VPS26C: variants seen among roughly 807,000 people sequenced by gnomAD.
VPS26C encodes vacuolar protein sorting-associated protein 26C.
Under a neutral mutation model 30.6 loss-of-function variants are expected in VPS26C, and 19 were observed. The ratio of observed to expected loss-of-function variants is 0.62; its 90% CI spans 0.43 to 0.91. The LOEUF is 0.91. Ranked by LOEUF, VPS26C falls within the 40% of genes least tolerant of loss-of-function variation. The pLI, the probability that VPS26C is intolerant of heterozygous loss-of-function variation, is 0.00. For synonymous variants in VPS26C, 132 were observed against 151.5 expected, an observed-to-expected ratio of 0.87 and a Z score of 0.95; for missense variants, 318 against 385.1, an observed-to-expected ratio of 0.83 and a Z score of 1.46.
intron 1 of VPS26C, among the ~76,000 whole-genome samples, chr21:37,250,658 T>C (rs1315785719): frequency 6.6e-6 from 1 of 152,010 alleles, no homozygotes; most frequent in African/African-American, 2.4e-5. Flanking sequence ...TCCCAGCACT[T>C]TGGGAGGCCG....
chr21:37,256,379 G>A (rs1420479006), intron 1 of VPS26C, among the ~76,000 whole-genome samples: 1 of 152,176 alleles, frequency 6.6e-6, no homozygotes, highest in Non-Finnish European at 1.5e-5. Flanking sequence ...ACTTAAAGTA[G>A]AACAGCTCTG....
At chr21:37,239,603 C>CT (rs11313933) in intron 2 of VPS26C, among the ~76,000 whole-genome samples, 2,663 of 138,362 alleles carry the variant, frequency 0.019, 40 homozygotes, top group Middle Eastern at 0.059. Flanking sequence ...GAGCTGTGAT[C>CT]TTTTTTTTTT....
At position 37,225,579 on chromosome 21, in the gene VPS26C, T is replaced by C; in HGVS notation, c.859A>G (p.Thr287Ala). The change falls in exon 8 of 8, where the codon ACG becomes GCG. Residue 287 changes from threonine (T) to alanine (A), a missense_variant. Transcript: ENST00000309117. ...VVLLHPDHLI[T>A]ENFPLKLCRI ...CAGAGCTTCAGCGGGAAGTTCTCCGTGATGAGGTGGTCAGGGTGAAGCAGC... is the reference window on the plus strand; with the variant it reads ...CAGAGCTTCAGCGGGAAGTTCTCCGCGATGAGGTGGTCAGGGTGAAGCAGC... 1 of 1,614,150 alleles carries C rather than the reference T, an allele frequency of 6.2e-7. No individual in the cohort carries two copies. The highest frequency in any genetic ancestry group is 1.3e-5 in the African/African-American group (1 of 75,046).
chr21:37,236,291 GTC>G (rs2086023125), intron 3 of VPS26C, among the ~76,000 whole-genome samples: 1 of 152,138 alleles, frequency 6.6e-6, no homozygotes, highest in Non-Finnish European at 1.5e-5. Flanking sequence ...AGTCACTGCC[GTC>G]TCTGGGCGGC....
chr21:37,260,811 G>A (rs890986314), intron 1 of VPS26C, among the ~76,000 whole-genome samples: 26 of 152,162 alleles, frequency 1.7e-4, no homozygotes, highest in African/African-American at 5.8e-4. Context: ...GTAATGGTGG[G>A]TGCAATGTGT....
Position 37,225,577 on chromosome 21 carries a change from C to G in VPS26C, c.861G>C (p.Thr287=), listed in dbSNP as rs111365234. ...VVLLHPDHLI[T]ENFPLKLCRI ...TGCAGAGCTTCAGCGGGAAGTTCTCCGTGATGAGGTGGTCAGGGTGAAGCA... is the reference window on the plus strand; with the variant it reads ...TGCAGAGCTTCAGCGGGAAGTTCTCGGTGATGAGGTGGTCAGGGTGAAGCA... Residue 287 remains threonine, a synonymous_variant, in exon 8 of 8, where the codon ACG becomes ACC. Transcript: ENST00000309117. 1 of 1,614,124 alleles carries G rather than the reference C, an allele frequency of 6.2e-7. No homozygotes were observed. The highest frequency in any genetic ancestry group is 1.1e-5 in the South Asian group (1 of 91,084).
At chr21:37,234,460 T>TAA (rs1408308304) in intron 3 of VPS26C, among the ~76,000 whole-genome samples, 1 of 152,194 alleles carries the variant, frequency 6.6e-6, no homozygotes, top group Non-Finnish European at 1.5e-5. Flanking sequence ...GTATTGAGCT[T>TAA]AAAGCAGGCT....
chr21:37,238,640 C>G, intron 2 of VPS26C, 31 bp from the exon 3 acceptor site: 1 of 1,610,360 alleles, frequency 6.2e-7, no homozygotes, highest in Non-Finnish European at 8.5e-7. Context: ...AGTCCATCAG[C>G]ACACACTTGG....
chr21:37,244,583 C>T, intron 1 of VPS26C, among the ~76,000 whole-genome samples: 1 of 152,174 alleles, frequency 6.6e-6, no homozygotes, highest in Non-Finnish European at 1.5e-5. Flanking sequence ...AACTCTTTTT[C>T]TTATTTGTTC....
chr21:37,258,794 A>C (rs753064328), intron 1 of VPS26C, among the ~76,000 whole-genome samples: 3 of 152,158 alleles, frequency 2.0e-5, no homozygotes, highest in Non-Finnish European at 4.4e-5. Context: ...CCAGTATCGA[A>C]ACACGCCGCG....
rs1360655255 is a variant in VPS26C at position 37,226,215 on chromosome 21, G to A, written c.812-589C>T. The stretch of plus-strand genomic sequence containing the variant: ...CAAAAGGGATGTGTGTGAAGAGGAA[G>A]CACCTGACGACAAACAAGCACCATC... On this transcript the variant is annotated intron_variant, in intron 7 of 7. Transcript: ENST00000309117. The surrounding 1 kb of genome is among the most constrained non-coding windows in gnomAD (Gnocchi z 4.1). 1 of 153,882 alleles carries A rather than the reference G, an allele frequency of 6.5e-6. No individual in the cohort carries two copies. The highest frequency in any genetic ancestry group is 1.9e-4 in the East Asian group (1 of 5,226). 9.5% of individuals were successfully genotyped at this position (153,882 alleles called of 1,614,324 possible).
chr21:37,242,641 G>A (rs996820182), intron 1 of VPS26C, among the ~76,000 whole-genome samples: 1 of 152,074 alleles, frequency 6.6e-6, no homozygotes, highest in East Asian at 1.9e-4. Flanking sequence ...TTTACTTGAC[G>A]AATATGTCCC....
At chr21:37,251,554 T>C (rs889963911) in intron 1 of VPS26C, among the ~76,000 whole-genome samples, 2 of 152,210 alleles carry the variant, frequency 1.3e-5, no homozygotes, top group Admixed American at 1.3e-4. Context: ...TATTTACTTG[T>C]AGATGCATAC....
In VPS26C at chr21:37,267,182, G is replaced by A. The variant is rs2086374624; in HGVS notation, c.57+56C>T. The A allele has an allele frequency of 2.8e-6, 4 of 1,416,836 alleles. No homozygotes were observed. The South Asian group carries it at 4.9e-5, about 17-fold the overall frequency. The allele number at this position is 1,416,836 out of a possible 1,614,324, so 87.8% of individuals were successfully genotyped here. A position where few individuals can be genotyped will look rare whatever the true frequency, so the allele number is the denominator to read the frequency against. On this transcript the variant is annotated intron_variant, in intron 1 of 7. Transcript: ENST00000309117. Reference sequence around the variant, plus strand: ...ACGTGCGCAGAGCGATGGAGACAGCGGAACCTGCAGACCCGCCCAACCCCA... The same window carrying A: ...ACGTGCGCAGAGCGATGGAGACAGCAGAACCTGCAGACCCGCCCAACCCCA...
chr21:37,264,796 C>G (rs2086341976), intron 1 of VPS26C, among the ~76,000 whole-genome samples: 2 of 152,088 alleles, frequency 1.3e-5, no homozygotes, highest in Admixed American at 1.3e-4. Flanking sequence ...AGGTATATAT[C>G]CAAGAGAAAT....
intron 3 of VPS26C, among the ~76,000 whole-genome samples, chr21:37,234,619 C>T (rs774317492): frequency 6.6e-6 from 1 of 152,124 alleles, no homozygotes; most frequent in Non-Finnish European, 1.5e-5. Flanking sequence ...TTGTTTTAAT[C>T]GTCCAGGAAA....
rs146650018 is a variant in VPS26C, at chr21:37,257,335, G to A, written c.57+9903C>T. 0.011 allele frequency among the ~76,000 whole-genome samples: 1,608 copies of A among 152,248 alleles called. 22 individuals are homozygous for A. The highest frequency in any genetic ancestry group is 0.027 in the East Asian group (142 of 5,164). On this transcript the variant is annotated intron_variant, in intron 1 of 7. Coordinates refer to ENST00000309117, the MANE Select transcript of VPS26C (RefSeq NM_006052.2). This position sits in a 1 kb window ranked among gnomAD's most constrained non-coding sequence, Gnocchi z 4.2. ...GCAAGGTTCCCTCTGAGGCCGTAGC[G>A]GCTTCTCGTGGGCGAGTCCCTGTTC...
At chr21:37,254,073 G>A (rs2086219003) in intron 1 of VPS26C, among the ~76,000 whole-genome samples, 1 of 152,158 alleles carries the variant, frequency 6.6e-6, no homozygotes, top group Non-Finnish European at 1.5e-5. Context: ...TTACAAAGGA[G>A]CCTGGAATTG....
chr21:37,252,578 A>T lies in VPS26C; in HGVS notation c.58-11939T>A, dbSNP rs1397736281. ...CAAACTAAGACAATGCCACTCAGCAACCCCATTCCTAGATTTTAAAACCCA... is the reference window on the plus strand; with the variant it reads ...CAAACTAAGACAATGCCACTCAGCATCCCCATTCCTAGATTTTAAAACCCA... On this transcript the variant is annotated intron_variant, in intron 1 of 7. Coordinates refer to ENST00000309117, the MANE Select transcript of VPS26C (RefSeq NM_006052.2). Among the ~76,000 whole-genome samples, 4 of 152,174 alleles carry T rather than the reference A, an allele frequency of 2.6e-5. No individual in the cohort carries two copies. The East Asian group carries it at 7.7e-4, about 29-fold the overall frequency.
Sources: allele counts gnomAD v4.1 joint callset (sites outside exome capture counted in the v4.1 genomes callset), GRCh38; gene constraint gnomAD v4.1.1; non-coding constraint Gnocchi (gnomAD v3.1); transcripts MANE v1.5; gene names NCBI Gene and HGNC (gene_info 2026-07-23, HGNC 2026-07-21).